The following TRIM34 variants were observed in gnomAD, a reference collection of about 807,000 sequenced individuals.
The protein encoded by TRIM34 is E3 ubiquitin-protein ligase TRIM34.
Under a neutral mutation model 38.1 loss-of-function variants are expected in TRIM34, and 41 were observed. The ratio of observed to expected loss-of-function variants is 1.08; its 90% CI spans 0.84 to 1.40. TRIM34 has a LOEUF of 1.40. Ranked by LOEUF, TRIM34 falls within the 40% of genes most tolerant of loss-of-function variation. TRIM34 has a pLI of 0.00. For synonymous variants in TRIM34, 200 were observed against 202.5 expected, an observed-to-expected ratio of 0.99 and a Z score of 0.10; for missense variants, 556 against 571.4, an observed-to-expected ratio of 0.97 and a Z score of 0.27.
intron 2 of TRIM34, 61 bp from the exon 3 acceptor site, chr11:5,633,743 T>C (rs1849593706): frequency 6.7e-7 from 1 of 1,498,188 alleles, no homozygotes. Context: ...TCCCTGTTTG[T>C]CCTCTATCCA....
intron 3 of TRIM34, 104 bp downstream of exon 3, chr11:5,634,003 G>A (rs3824951): frequency 0.61 from 762,653 of 1,257,686 alleles, 236,674 homozygotes; most frequent in Non-Finnish European, 0.65. Context: ...GAGTCCTGAA[G>A]CCATTTGATT....
Position 5,634,821 on chromosome 11 carries a change from T to G in TRIM34, c.710T>G (p.Val237Gly). 1 of 1,613,492 alleles carries G rather than the reference T, an allele frequency of 6.2e-7. No homozygotes were observed. The highest frequency in any genetic ancestry group is 8.5e-7 in the Non-Finnish European group (1 of 1,179,608). Residue 237 changes from valine (V) to glycine (G), a missense_variant, in exon 4 of 8, where the codon GTG (valine) becomes GGG (glycine). Physicochemically the swap from Val to Gly is moderately radical, Grantham distance 109. Coordinates refer to ENST00000429814, the MANE Select transcript of TRIM34 (RefSeq NM_021616.6). Reference sequence around the variant, plus strand: ...TTGGTGAGAGAGCTCATCTCAGATGTGGAGTGTCGGAGTCAGTGGTCAACA... The same window carrying G: ...TTGGTGAGAGAGCTCATCTCAGATGGGGAGTGTCGGAGTCAGTGGTCAACA... Reference protein sequence around the residue: ...KQLVRELISDVECRSQWSTME... With the variant: ...KQLVRELISDGECRSQWSTME...
At chr11:5,637,318 T>C (rs1223024639) in intron 4 of TRIM34, among the ~76,000 whole-genome samples, 1 of 152,180 alleles carries the variant, frequency 6.6e-6, no homozygotes, top group African/African-American at 2.4e-5. Context: ...CATTGTTTGT[T>C]TGCTAGAGGG....
chr11:5,620,471 G>C (rs1848952859), upstream of TRIM34, among the ~76,000 whole-genome samples: 2 of 152,204 alleles, frequency 1.3e-5, no homozygotes, highest in African/African-American at 4.8e-5. Flanking sequence ...ATAGTGCTGG[G>C]ATTACAGGAG....
chr11:5,628,704 C>T (rs180812559), intron 1 of TRIM34, among the ~76,000 whole-genome samples: 1 of 152,130 alleles, frequency 6.6e-6, no homozygotes, highest in Non-Finnish European at 1.5e-5. Context: ...TTTCCTAGCA[C>T]TGTTGTAACC....
upstream of TRIM34, among the ~76,000 whole-genome samples, chr11:5,622,268 A>T (rs552495509): frequency 2.6e-5 from 4 of 152,074 alleles, no homozygotes; most frequent in African/African-American, 9.6e-5. Flanking sequence ...ACATGGTGAA[A>T]CCCTGCCTCT....
intron 5 of TRIM34, among the ~76,000 whole-genome samples, chr11:5,641,661 A>G (rs1850017530): frequency 6.6e-6 from 1 of 152,214 alleles, no homozygotes; most frequent in Non-Finnish European, 1.5e-5. Flanking sequence ...TTCCAAAAGT[A>G]GACTCGAGCC....
chr11:5,643,706 T>A lies in TRIM34; in HGVS notation c.1464T>A (p.Ser488=). 1.3e-6 allele frequency: 2 copies of A among 1,573,426 alleles called. No individual in the cohort carries two copies. Among genetic ancestry groups the A allele is most frequent in the Non-Finnish European group, 1.7e-6 (2 of 1,164,996 alleles). The change falls in exon 8 of 8, where the codon TCT becomes TCA. Residue 488 remains serine, a synonymous_variant. Coordinates refer to ENST00000429814, the MANE Select transcript of TRIM34 (RefSeq NM_021616.6). ...CCATGACTCTATGCCCACCAAGCTC[T>A]TGAATTTTCTCATTTCTTCACCTAC... The part of the protein sequence containing the change: ...PAPMTLCPPS[S]
At chr11:5,620,073 G>A (rs1439695142), upstream of TRIM34, 1 of 151,040 alleles carries the variant, frequency 6.6e-6, no homozygotes, top group Non-Finnish European at 1.5e-5. Flanking sequence ...TCTACATTTT[G>A]GGGTGGCAGT....
At chr11:5,633,264 A>C (rs1590168927) in intron 2 of TRIM34, among the ~76,000 whole-genome samples, 2 of 150,858 alleles carry the variant, frequency 1.3e-5, no homozygotes, top group Admixed American at 6.6e-5. Flanking sequence ...TGGAACCATA[A>C]TTCTGAGTCC....
intron 1 of TRIM34, among the ~76,000 whole-genome samples, chr11:5,631,416 A>G (rs1849476789): frequency 6.6e-6 from 1 of 152,196 alleles, no homozygotes; most frequent in South Asian, 2.1e-4. Flanking sequence ...GAATTGGGTG[A>G]TCTTTGTAAA....
intron 1 of TRIM34, among the ~76,000 whole-genome samples, chr11:5,631,614 G>C (rs1293569003): frequency 1.3e-5 from 2 of 152,168 alleles, no homozygotes. Flanking sequence ...GATTTTGTGT[G>C]GGTAGATGTG....
At position 5,643,181 on chromosome 11, in the gene TRIM34, T is replaced by C. The variant is rs751768911; in HGVS notation, c.939T>C (p.Asn313=). 3.8e-6 allele frequency: 6 copies of C among 1,591,968 alleles called. No individual in the cohort carries two copies. Among genetic ancestry groups the C allele is most frequent in the Non-Finnish European group, 5.1e-6 (6 of 1,172,474 alleles). The change falls in exon 8 of 8, where the codon AAT becomes AAC. Residue 313 remains asparagine, a synonymous_variant. Coordinates refer to ENST00000429814, the MANE Select transcript of TRIM34 (RefSeq NM_021616.6). ...VTLNSVNLNL[N]LVLSEDQRQV... is the part of the protein sequence containing the mutation. ...TGAATTCAGTCAACCTAAATTTGAA[T>C]CTTGTCCTTTCAGAAGATCAGAGAC...
chr11:5,639,886 T>C (rs1272035804), intron 4 of TRIM34, among the ~76,000 whole-genome samples: 1 of 152,088 alleles, frequency 6.6e-6, no homozygotes, highest in African/African-American at 2.4e-5. Context: ...TACATAGATT[T>C]TGGCACAGGT....
rs1486324322 is a variant in TRIM34 at position 5,632,436 on chromosome 11, C to G, written c.105C>G (p.Cys35Trp). The G allele has an allele frequency of 6.2e-7, 1 of 1,613,996 alleles. No individual in the cohort carries two copies. Among genetic ancestry groups the G allele is most frequent in the East Asian group, 2.2e-5 (1 of 44,858 alleles). The change falls in exon 2 of 8, where the codon TGC (cysteine) becomes TGG (tryptophan). Residue 35 changes from cysteine (C) to tryptophan (W), a missense_variant. Physicochemically the swap from Cys to Trp is radical, Grantham distance 215. Coordinates refer to ENST00000429814, the MANE Select transcript of TRIM34 (RefSeq NM_021616.6). ...GTCTAGACTGTGGCCACAGCCTCTG[C>G]CGAGCCTGCATCACTGTGAGCAACA... The part of the protein sequence containing the change: ...PLSLDCGHSL[C>W]RACITVSNKE...
chr11:5,621,419 G>C (rs756943744), upstream of TRIM34, among the ~76,000 whole-genome samples: 1 of 152,130 alleles, frequency 6.6e-6, no homozygotes, highest in Non-Finnish European at 1.5e-5. Context: ...AGCCACTCCT[G>C]TTTACATAGA....
rs757699453 is a variant in TRIM34 at position 5,633,821 on chromosome 11, C to T, written c.441C>T (p.Val147=). 6.8e-6 allele frequency: 11 copies of T among 1,613,990 alleles called. No homozygotes were observed. In the East Asian group the frequency reaches 2.5e-4, roughly 36 times the overall value. Reference sequence around the variant, plus strand: ...TCTCATAGGAGAAACTCCAGGCAGTCCTCAAGAGGCTGAAGAAGGAAGAGG... The same window carrying T: ...TCTCATAGGAGAAACTCCAGGCAGTTCTCAAGAGGCTGAAGAAGGAAGAGG... The part of the protein sequence containing the change: ...FKECQEKLQA[V]LKRLKKEEEE... The change falls in exon 3 of 8, where the codon GTC becomes GTT. Residue 147 remains valine (V), a synonymous_variant. Coordinates refer to ENST00000429814, the MANE Select transcript of TRIM34 (RefSeq NM_021616.6).
chr11:5,642,992 C>A, intron 7 of TRIM34, 149 bp downstream of exon 7: 1 of 1,351,854 alleles, frequency 7.4e-7, no homozygotes, highest in African/African-American at 1.5e-5. Flanking sequence ...TTTACCCCTC[C>A]AATTCATCAG....
rs79669845 is a variant in TRIM34 at position 5,641,925 on chromosome 11, A to T, written c.774-481A>T. 2.4e-3 allele frequency among the ~76,000 whole-genome samples: 362 copies of T among 152,216 alleles called. 1 individual carries two copies. Among genetic ancestry groups the T allele is most frequent in the African/African-American group, 8.3e-3 (344 of 41,544 alleles). The stretch of plus-strand genomic sequence containing the variant: ...AATATGCGCCATTCCACTGGAGTTC[A>T]GGCTTTGAACTCGGGCACAGGCTGA... On this transcript the variant is annotated intron_variant, in intron 5 of 7. Transcript: ENST00000429814.
Sources: gnomAD v4.1 joint callset for allele counts (sites outside exome capture counted in the v4.1 genomes callset) on GRCh38, gnomAD v4.1.1 for gene constraint, MANE v1.5 for transcripts, NCBI Gene and HGNC (gene_info 2026-07-23, HGNC 2026-07-21) for gene names.